RBMXL1: variants seen among roughly 807,000 people sequenced by gnomAD.
RBMXL1 encodes the protein RNA binding motif protein, X-linked-like-1.
RBMXL1 carries 18 observed loss-of-function variants against 29.0 expected under a neutral mutation model. That is an observed-to-expected ratio of 0.62 (90% CI 0.43 to 0.92). The LOEUF (loss-of-function observed/expected upper bound fraction) is 0.92. RBMXL1 is among the 40% of genes least tolerant of loss of function. RBMXL1 has a pLI of 0.00. For synonymous variants in RBMXL1, 141 were observed against 170.4 expected (o/e 0.83, Z 1.34); for missense variants, 403 against 495.8 (o/e 0.81, Z 1.78).
intron 2 of RBMXL1, among the ~76,000 whole-genome samples, chr1:88,986,813 A>G (rs1421401693): frequency 6.6e-6 from 1 of 152,176 alleles, no homozygotes; most frequent in Non-Finnish European, 1.5e-5. Flanking sequence ...CTTGATTTAA[A>G]CTTATCACTA....
In RBMXL1 at chr1:88,984,204, CTTTTTTTT is replaced by C. The variant is rs908183722; in HGVS notation, c.-240-146_-240-139del. The C allele has an allele frequency of 7.3e-3, 596 of 81,756 alleles. 3 individuals are homozygous for C. The highest frequency in any genetic ancestry group is 0.024 in the African/African-American group (546 of 22,868). The allele number at this position is 81,756 out of a possible 1,614,324, so 5.1% of individuals were successfully genotyped here. On this transcript the variant is annotated intron_variant, in intron 2 of 2. Coordinates refer to ENST00000652648, the MANE Select transcript of RBMXL1 (RefSeq NM_001162536.3). ...ATTAACAGGAGCCCTTTTTTTGTTG[CTTTTTTTT>C]TTTTTTTTTTTTTTTTTTGTAGACA...
Position 88,983,954 on chromosome 1 carries a change from G to T in RBMXL1, c.-128C>A. The T allele has an allele frequency of 9.6e-7, 1 of 1,041,758 alleles. No individual in the cohort carries two copies. Among genetic ancestry groups the T allele is most frequent in the Non-Finnish European group, 1.5e-6 (1 of 682,382 alleles). 64.5% of individuals were successfully genotyped at this position (1,041,758 alleles called of 1,614,324 possible). On this transcript the variant is annotated 5_prime_UTR_variant, in exon 3 of 3. Coordinates refer to ENST00000652648, the MANE Select transcript of RBMXL1 (RefSeq NM_001162536.3). ...GTTAGGAGGACTGAACCGCGAAGCCGCTAGCACTACTGCGCAATCTGGATG... is the reference window on the plus strand; with the variant it reads ...GTTAGGAGGACTGAACCGCGAAGCCTCTAGCACTACTGCGCAATCTGGATG...
chr1:88,984,207 T>C, intron 2 of RBMXL1, 141 bp from the exon 3 acceptor site: 3 of 112,248 alleles, frequency 2.7e-5, no homozygotes, highest in Admixed American at 8.3e-5. Context: ...TTTGTTGCTT[T>C]TTTTTTTTTT....
intron 2 of RBMXL1, among the ~76,000 whole-genome samples, chr1:88,986,896 C>A (rs556052983): frequency 6.6e-6 from 1 of 152,080 alleles, no homozygotes; most frequent in African/African-American, 2.4e-5. Context: ...TATCCCTGTG[C>A]GACTATTTTA....
In RBMXL1 at chr1:88,982,793, T is replaced by C; in HGVS notation, c.1034A>G (p.Glu345Gly). ...YSSCDRVGRQ[E>G]RGLPPSVERG... ...TTCTACAGAAGGGGGAAGCCCTCTT[T>C]CTTGTCTGCCAACCCTGTCACAACT... The change falls in exon 3 of 3, where the codon GAA (glutamate) becomes GGA (glycine). Residue 345 changes from glutamate to glycine, a missense_variant. Physicochemically the swap from Glu to Gly is moderately conservative, Grantham distance 98 (BLOSUM62 -2). Transcript: ENST00000652648. 6.2e-7 allele frequency: 1 copy of C among 1,613,940 alleles called. No homozygotes were observed. Among genetic ancestry groups the C allele is most frequent in the Non-Finnish European group, 8.5e-7 (1 of 1,179,854 alleles).
Position 88,992,095 on chromosome 1 carries a change from C to G in RBMXL1, c.-341+490G>C, listed in dbSNP as rs1279584443. ...CCGGGTTCACGCCATTTTCCTGCCT[C>G]AGCCTCCCGAGTAGCTGGGACTACA... On this transcript the variant is annotated intron_variant, in intron 1 of 2. Coordinates refer to ENST00000652648, the MANE Select transcript of RBMXL1 (RefSeq NM_001162536.3). 8.6e-5 allele frequency among the ~76,000 whole-genome samples: 13 copies of G among 151,764 alleles called. No homozygotes were observed. In the East Asian group the frequency reaches 2.3e-3, roughly 27 times the overall value.
rs1431608581 is a variant in RBMXL1, at chr1:88,982,822, G to A, written c.1005C>T (p.Tyr335=). 1.9e-6 allele frequency: 3 copies of A among 1,613,978 alleles called. No homozygotes were observed. Among genetic ancestry groups the A allele is most frequent in the Non-Finnish European group, 1.7e-6 (2 of 1,179,874 alleles). The change falls in exon 3 of 3, where the codon TAC becomes TAT. Residue 335 remains tyrosine (Y), a synonymous_variant. Coordinates refer to ENST00000652648, the MANE Select transcript of RBMXL1 (RefSeq NM_001162536.3). Reference sequence around the variant, plus strand: ...GTCTGCCAACCCTGTCACAACTTGAGTAGAGATCACTTCGGCTGCTTGAGT... The same window carrying A: ...GTCTGCCAACCCTGTCACAACTTGAATAGAGATCACTTCGGCTGCTTGAGT... ...DSYSSSRSDL[Y]SSCDRVGRQE...
At chr1:88,989,263 C>T (rs949421318) in intron 1 of RBMXL1, among the ~76,000 whole-genome samples, 3 of 151,948 alleles carry the variant, frequency 2.0e-5, no homozygotes, top group Non-Finnish European at 4.4e-5. Context: ...CAAATCAAAC[C>T]CAGTAGTATA....
At chr1:88,988,430 A>AAG in intron 1 of RBMXL1, 79 bp from the exon 2 acceptor site, 2 of 780,708 alleles carry the variant, frequency 2.6e-6, no homozygotes, top group Non-Finnish European at 4.3e-6. Context: ...CAGCTAGCTG[A>AAG]TGTATCATAA....
At position 88,981,796 on chromosome 1, in the gene RBMXL1, G is replaced by C. The variant is rs1309334095; in HGVS notation, c.*858C>G. 1 of 225,302 alleles carries C rather than the reference G, an allele frequency of 4.4e-6. No homozygotes were observed. Among genetic ancestry groups the C allele is most frequent in the African/African-American group, 2.3e-5 (1 of 42,646 alleles). The allele number at this position is 225,302 out of a possible 1,614,324, so 14.0% of individuals were successfully genotyped here. On this transcript the variant is annotated 3_prime_UTR_variant, in exon 3 of 3. Coordinates refer to ENST00000652648, the MANE Select transcript of RBMXL1 (RefSeq NM_001162536.3). ...CATTTGATGCTTTAAATCTGATGTG[G>C]AATGCTGATAGATTCACTTTTTAGA... is the stretch of plus-strand genomic sequence containing the variant.
rs1247432567 is a variant in RBMXL1, at chr1:88,981,929, A to G, written c.*725T>C. On this transcript the variant is annotated 3_prime_UTR_variant, in exon 3 of 3. Transcript: ENST00000652648. Reference sequence around the variant, plus strand: ...GAGACATTAGAGTTGCAAAAATTTGAAAGAGTAAGAGCAAGCACCTTTGCA... The same window carrying G: ...GAGACATTAGAGTTGCAAAAATTTGGAAGAGTAAGAGCAAGCACCTTTGCA... 2.0e-6 allele frequency: 2 copies of G among 976,686 alleles called. No individual in the cohort carries two copies. Among genetic ancestry groups the G allele is most frequent in the Admixed American group, 6.1e-5 (1 of 16,264 alleles). 60.5% of individuals were successfully genotyped at this position (976,686 alleles called of 1,614,324 possible).
rs1406073921 is a variant in RBMXL1 at position 88,983,985 on chromosome 1, T to C, written c.-159A>G. 4 of 624,216 alleles carry C rather than the reference T, an allele frequency of 6.4e-6. No individual in the cohort carries two copies. In the East Asian group the frequency reaches 1.1e-4, roughly 17 times the overall value. The allele number at this position is 624,216 out of a possible 1,614,324, so 38.7% of individuals were successfully genotyped here. On this transcript the variant is annotated 5_prime_UTR_variant, in exon 3 of 3. Coordinates refer to ENST00000652648, the MANE Select transcript of RBMXL1 (RefSeq NM_001162536.3). ...ACTACTGCGCAATCTGGATGCTTTT[T>C]AAGGTATGGCTATCCATTCAAAAAA...
intron 2 of RBMXL1, among the ~76,000 whole-genome samples, chr1:88,985,677 T>A (rs1186857345): frequency 6.6e-6 from 1 of 152,154 alleles, no homozygotes; most frequent in Non-Finnish European, 1.5e-5. Context: ...ACCTGCCCCA[T>A]GTAAGTGCTA....
At position 88,988,201 on chromosome 1, in the gene RBMXL1, G is replaced by A. The variant is rs1359711890; in HGVS notation, c.-241+51C>T. ...GCATCTGAAAAATTACATATTTTTT[G>A]GACAGTGCAGAATATGTACAATAAT... On this transcript the variant is annotated intron_variant, in intron 2 of 2. Transcript: ENST00000652648. 4.4e-6 allele frequency: 5 copies of A among 1,134,806 alleles called. No individual in the cohort carries two copies. In the Admixed American group the frequency reaches 1.1e-4, roughly 25 times the overall value. 70.3% of individuals were successfully genotyped at this position (1,134,806 alleles called of 1,614,324 possible).
At chr1:88,988,024 A>C (rs936929446) in intron 2 of RBMXL1, among the ~76,000 whole-genome samples, 1 of 152,244 alleles carries the variant, frequency 6.6e-6, no homozygotes, top group Non-Finnish European at 1.5e-5. Context: ...TGTGAAGACA[A>C]AATGAGGTAA....
Position 88,980,355 on chromosome 1 carries a change from T to A in RBMXL1, c.*2299A>T, listed in dbSNP as rs1335892829. 1 of 152,568 alleles carries A rather than the reference T, an allele frequency of 6.6e-6. No homozygotes were observed. The highest frequency in any genetic ancestry group is 2.4e-5 in the African/African-American group (1 of 41,442). The allele number at this position is 152,568 out of a possible 1,614,324, so 9.5% of individuals were successfully genotyped here. ...CAGAGTATTCTGAAATCATGCCTTC[T>A]TTTCTCCCTCTGGACCAAGCACCCG... On this transcript the variant is annotated 3_prime_UTR_variant, in exon 3 of 3. Coordinates refer to ENST00000652648, the MANE Select transcript of RBMXL1 (RefSeq NM_001162536.3).
intron 2 of RBMXL1, among the ~76,000 whole-genome samples, chr1:88,986,896 C>T (rs556052983): frequency 3.7e-4 from 57 of 152,198 alleles, no homozygotes; most frequent in African/African-American, 1.3e-3. Context: ...TATCCCTGTG[C>T]GACTATTTTA....
At chr1:88,989,139 A>T (rs1030993540) in intron 1 of RBMXL1, among the ~76,000 whole-genome samples, 10 of 152,224 alleles carry the variant, frequency 6.6e-5, no homozygotes. Flanking sequence ...TCTTAAGTCT[A>T]CTGTATAAGG....
chr1:88,984,101 A>C (rs774481754), intron 2 of RBMXL1, 35 bp from the exon 3 acceptor site: 48 of 488,758 alleles, frequency 9.8e-5, no homozygotes, highest in Non-Finnish European at 1.6e-4. Flanking sequence ...TAAAACTCAG[A>C]AGTGGAAATG....
Sources: gnomAD v4.1 joint callset for allele counts (sites outside exome capture counted in the v4.1 genomes callset) on GRCh38, gnomAD v4.1.1 for gene constraint, MANE v1.5 for transcripts, NCBI Gene and HGNC (gene_info 2026-07-23, HGNC 2026-07-21) for gene names.